Variants in RBAK observed in about 807,000 individuals in gnomAD.
The protein encoded by RBAK is RB associated KRAB zinc finger, also known as RB-associated KRAB zinc finger protein.
In RBAK, 39 loss-of-function variants were observed where a neutral mutation model predicts 65.8. The ratio of observed to expected loss-of-function variants is 0.59; its 90% CI spans 0.46 to 0.77. The LOEUF is 0.77. RBAK is among the 30% of genes least tolerant of loss of function. RBAK has a pLI of 0.00. For missense variants in RBAK, 884 were observed against 855.1 expected (o/e 1.03, Z -0.42); for synonymous variants, 343 against 289.7 (o/e 1.18, Z -1.87).
chr7:5,061,453 CT>C (rs56688573), intron 4 of RBAK, among the ~76,000 whole-genome samples: 63,654 of 133,614 alleles, frequency 0.48, 14,257 homozygotes, highest in East Asian at 0.57. Flanking sequence ...TTTTCTTTTT[CT>C]TTTTTTTTTT....
chr7:5,055,252 G>A (rs1311813040), intron 2 of RBAK, among the ~76,000 whole-genome samples: 2 of 101,696 alleles, frequency 2.0e-5, no homozygotes, highest in Non-Finnish European at 3.9e-5. Flanking sequence ...ATAAATGTGT[G>A]TGTGTGTGTG....
rs1196781595 is a variant in RBAK, at chr7:5,046,413, C to A, written c.-45+17C>A. On this transcript the variant is annotated intron_variant, in intron 1 of 4. Transcript: ENST00000396912. ...CCCAGAAGGGTAGGTCTTGGGTTTT[C>A]GGGCCCGGAGCGAGAAGGGCCTGAG... 1 of 513,776 alleles carries A rather than the reference C, an allele frequency of 1.9e-6. No individual in the cohort carries two copies. The highest frequency in any genetic ancestry group is 3.9e-6 in the Non-Finnish European group (1 of 258,364). 31.8% of individuals were successfully genotyped at this position (513,776 alleles called of 1,614,324 possible). A position where few individuals can be genotyped will look rare whatever the true frequency, so the allele number is the denominator to read the frequency against.
rs1445483422 is a variant in RBAK, at chr7:5,046,161, C to T, written c.-280C>T. The T allele has an allele frequency of 2.6e-5, 11 of 423,376 alleles. No individual in the cohort carries two copies. Among genetic ancestry groups the T allele is most frequent in the South Asian group, 1.4e-4 (8 of 58,324 alleles). 26.2% of individuals were successfully genotyped at this position (423,376 alleles called of 1,614,324 possible). On this transcript the variant is annotated 5_prime_UTR_variant, in exon 1 of 5. Transcript: ENST00000396912. ...GGACGCGGGCCTGGCCCGTGTGTGT[C>T]CTGGCGGCCTGGCCCAGGCTGCCGC... is the stretch of plus-strand genomic sequence containing the variant.
chr7:5,063,548 G>A (rs1361700012), intron 4 of RBAK, 147 bp from the exon 5 acceptor site: 3 of 578,824 alleles, frequency 5.2e-6, no homozygotes, highest in Non-Finnish European at 8.8e-6. Flanking sequence ...AGGAAAAAGA[G>A]AACTATGCAT....
In RBAK at chr7:5,048,359, A is replaced by G. The variant is rs905775213; in HGVS notation, c.15+268A>G. On this transcript the variant is annotated intron_variant, in intron 2 of 4. Transcript: ENST00000396912. The surrounding 1 kb of genome is among the most constrained non-coding windows in gnomAD (Gnocchi z 4.4). ...AACTAATTTTTTGTATTTTTAGAAG[A>G]GACAGGGTTTCACCATGTTGGCCAG... 3.9e-5 allele frequency among the ~76,000 whole-genome samples: 6 copies of G among 152,058 alleles called. No individual in the cohort carries two copies. The highest frequency in any genetic ancestry group is 6.5e-5 in the Admixed American group (1 of 15,272).
At chr7:5,063,462 ACCTTAATTC>A (rs1186593394) in intron 4 of RBAK, among the ~76,000 whole-genome samples, 1 of 132,504 alleles carries the variant, frequency 7.5e-6, no homozygotes, top group Non-Finnish European at 1.6e-5. Flanking sequence ...CCACTGTCTC[ACCTTAATTC>A]TTTCACTGTG....
intron 1 of RBAK, among the ~76,000 whole-genome samples, chr7:5,046,710 C>T (rs1057028053): frequency 6.6e-6 from 1 of 152,154 alleles, no homozygotes; most frequent in Admixed American, 6.5e-5. Flanking sequence ...CGTCCGTCAG[C>T]GCCTCTGTTC....
Position 5,065,152 on chromosome 7 carries a change from C to T in RBAK, c.1696C>T (p.Pro566Ser). Reference sequence around the variant, plus strand: ...TTATAGAAGTCATTCAGAAGAGAAACCTTATGGATGTAGCGAATGTGGGAA... The same window carrying T: ...TTATAGAAGTCATTCAGAAGAGAAATCTTATGGATGTAGCGAATGTGGGAA... Reference protein sequence around the residue: ...EHYRSHSEEKPYGCSECGKTF... With the variant: ...EHYRSHSEEKSYGCSECGKTF... Residue 566 changes from proline to serine, a missense_variant, in exon 5 of 5, where the codon CCT becomes TCT. By Grantham distance (74) the Pro-to-Ser change is moderately conservative. Coordinates refer to ENST00000396912, the MANE Select transcript of RBAK (RefSeq NM_021163.4). The surrounding 1 kb of genome is among the most constrained non-coding windows in gnomAD (Gnocchi z 5.3). 1 of 1,613,902 alleles carries T rather than the reference C, an allele frequency of 6.2e-7. No individual in the cohort carries two copies. The highest frequency in any genetic ancestry group is 8.5e-7 in the Non-Finnish European group (1 of 1,179,942).
chr7:5,055,274 G>A (rs1788202887), intron 2 of RBAK, among the ~76,000 whole-genome samples: 1 of 151,402 alleles, frequency 6.6e-6, no homozygotes, highest in South Asian at 2.1e-4. Flanking sequence ...GTGTGTGTGT[G>A]TGTGTGCGTG....
Position 5,045,861 on chromosome 7 carries a change from C to T in RBAK, c.-580C>T. ...TTCGCGCATGCGCGCCGCCGCTGCA[C>T]TGCCCTCGCTTCCTGTGCGTCCTCA... On this transcript the variant is annotated 5_prime_UTR_variant, in exon 1 of 5. Transcript: ENST00000396912. 6.0e-6 allele frequency: 2 copies of T among 330,922 alleles called. No homozygotes were observed. Among genetic ancestry groups the T allele is most frequent in the Admixed American group, 4.8e-5 (1 of 20,914 alleles). The allele number at this position is 330,922 out of a possible 1,614,324, so 20.5% of individuals were successfully genotyped here.
At chr7:5,047,426 G>A (rs1198470217) in intron 1 of RBAK, among the ~76,000 whole-genome samples, 1 of 151,918 alleles carries the variant, frequency 6.6e-6, no homozygotes, top group African/African-American at 2.4e-5. Context: ...CAAAAAACAT[G>A]AGCTGTATAA....
At chr7:5,046,711 G>A (rs1477408986) in intron 1 of RBAK, among the ~76,000 whole-genome samples, 2 of 152,162 alleles carry the variant, frequency 1.3e-5, no homozygotes, top group East Asian at 1.9e-4. Context: ...GTCCGTCAGC[G>A]CCTCTGTTCT....
At chr7:5,055,673 A>G (rs1788212864) in intron 2 of RBAK, among the ~76,000 whole-genome samples, 3 of 151,900 alleles carry the variant, frequency 2.0e-5, no homozygotes, top group Admixed American at 2.0e-4. Context: ...GGGTTTTTGT[A>G]TTGATGTAAG....
Position 5,048,033 on chromosome 7 carries a change from G to T in RBAK, c.-44G>T. 2 of 1,543,770 alleles carry T rather than the reference G, an allele frequency of 1.3e-6. No individual in the cohort carries two copies. Among genetic ancestry groups the T allele is most frequent in the Non-Finnish European group, 1.8e-6 (2 of 1,135,078 alleles). ...CAGTGACCTGCTTCTCCCCCTCTAG[G>T]TCTACCAGCCACAGTCTCTGCACGT... On this transcript the variant is annotated splice_region_variant and 5_prime_UTR_variant, in exon 2 of 5. Transcript: ENST00000396912. This position sits in a 1 kb window ranked among gnomAD's most constrained non-coding sequence, Gnocchi z 4.4.
chr7:5,065,522 A>C lies in RBAK; in HGVS notation c.2066A>C (p.His689Pro). The C allele has an allele frequency of 6.2e-7, 1 of 1,604,246 alleles. No homozygotes were observed. ...TGTAACGAGTGTGGGAAAAAATTCC[A>C]CCACAGATCAGCCTTCAATAGCCAT... ...YECNECGKKFHHRSAFNSHQR... is the reference protein window; with the variant it reads ...YECNECGKKFPHRSAFNSHQR... The change falls in exon 5 of 5, where the codon CAC becomes CCC. Residue 689 changes from histidine to proline, a missense_variant. His to Pro is a moderately conservative substitution (Grantham distance 77, BLOSUM62 -2). Coordinates refer to ENST00000396912, the MANE Select transcript of RBAK (RefSeq NM_021163.4). The surrounding 1 kb of genome is among the most constrained non-coding windows in gnomAD (Gnocchi z 5.3).
rs1208333236 is a variant in RBAK, at chr7:5,068,854, T to C, written c.*3253T>C. Reference sequence around the variant, plus strand: ...TGTAAAACAGTGAGCATGAATGAACTAGAAGTCCGTGTAATAACGCAGCTG... The same window carrying C: ...TGTAAAACAGTGAGCATGAATGAACCAGAAGTCCGTGTAATAACGCAGCTG... On this transcript the variant is annotated 3_prime_UTR_variant, in exon 5 of 5. Coordinates refer to ENST00000396912, the MANE Select transcript of RBAK (RefSeq NM_021163.4). The C allele has an allele frequency of 6.6e-6, 1 of 152,202 alleles. No individual in the cohort carries two copies. Among genetic ancestry groups the C allele is most frequent in the Non-Finnish European group, 1.5e-5 (1 of 68,034 alleles). 9.4% of individuals were successfully genotyped at this position (152,202 alleles called of 1,614,324 possible).
chr7:5,050,484 CTG>C (rs1310615923), intron 2 of RBAK, among the ~76,000 whole-genome samples: 1 of 152,184 alleles, frequency 6.6e-6, no homozygotes, highest in African/African-American at 2.4e-5. Flanking sequence ...GAACTATTGA[CTG>C]TTGATTATTG....
rs754468246 is a variant in RBAK, at chr7:5,063,765, T to G, written c.309T>G (p.Ala103=). The change falls in exon 5 of 5, where the codon GCT becomes GCG. Residue 103 remains alanine, a synonymous_variant. Coordinates refer to ENST00000396912, the MANE Select transcript of RBAK (RefSeq NM_021163.4). ...AAGACAAACATTCAAGGCAAGCTGC[T>G]TGTATCAATAGCAAAACCCTGACTG... ...ENEDKHSRQA[A]CINSKTLTEE... is the part of the protein sequence containing the mutation. 2 of 1,613,910 alleles carry G rather than the reference T, an allele frequency of 1.2e-6. No homozygotes were observed. The highest frequency in any genetic ancestry group is 2.2e-5 in the East Asian group (1 of 44,862).
At chr7:5,061,261 C>T (rs1034827647) in intron 4 of RBAK, among the ~76,000 whole-genome samples, 1 of 151,930 alleles carries the variant, frequency 6.6e-6, no homozygotes, top group African/African-American at 2.4e-5. Flanking sequence ...TGACCAAATG[C>T]CCTAGTTAGT....
Sources: gnomAD v4.1 joint callset for allele counts (sites outside exome capture counted in the v4.1 genomes callset) on GRCh38, gnomAD v4.1.1 for gene constraint, Gnocchi (gnomAD v3.1) non-coding constraint, MANE v1.5 for transcripts, NCBI Gene and HGNC (gene_info 2026-07-23, HGNC 2026-07-21) for gene names.